LNX1: variants seen among roughly 807,000 people sequenced by gnomAD.
LNX1 encodes the protein ligand of numb-protein X 1.
Under a neutral mutation model 68.4 loss-of-function variants are expected in LNX1, and 54 were observed. The observed-to-expected ratio is 0.79, with a 90% CI of 0.63 to 0.99. LNX1 has a LOEUF of 0.99. Among genes scored for constraint, LNX1 ranks in the 50% least tolerant of loss-of-function variants. LNX1 has a pLI of 0.00. For missense variants in LNX1, 906 were observed against 926.4 expected (o/e 0.98, Z 0.29); for synonymous variants, 336 against 350.0 (o/e 0.96, Z 0.45).
upstream of LNX1, among the ~76,000 whole-genome samples, chr4:53,619,882 T>A (rs1448846711): frequency 1.3e-5 from 2 of 152,238 alleles, no homozygotes; most frequent in Non-Finnish European, 2.9e-5. Context: ...CTTGTTATTA[T>A]GTCTCTTTTT....
At chr4:53,482,942 T>C (rs1165641181) in intron 6 of LNX1, among the ~76,000 whole-genome samples, 3 of 152,240 alleles carry the variant, frequency 2.0e-5, no homozygotes, top group Non-Finnish European at 2.9e-5. Flanking sequence ...TAATTCTCTC[T>C]GCTATGTACA....
In LNX1 at chr4:53,459,836, C is replaced by G; in HGVS notation, c.*1071G>C. ...TAAGAGGCTGCATCACAAAAGGCAA[C>G]AAAGGGCCCCTCTAAGGCTTGAGAT... On this transcript the variant is annotated 3_prime_UTR_variant, in exon 11 of 11. Transcript: ENST00000263925. The G allele has an allele frequency of 3.9e-6, 1 of 257,688 alleles. No homozygotes were observed. 16.0% of individuals were successfully genotyped at this position (257,688 alleles called of 1,614,324 possible).
intron 6 of LNX1, among the ~76,000 whole-genome samples, chr4:53,491,418 C>A (rs1466885565): frequency 1.3e-5 from 2 of 152,168 alleles, no homozygotes; most frequent in East Asian, 3.9e-4. Flanking sequence ...CTGCCTAATG[C>A]TGACTTGGTT....
At chr4:53,541,136 CAAAAAAAAAAGAA>C (rs1326657249) in intron 2 of LNX1, among the ~76,000 whole-genome samples, 2 of 24,114 alleles carry the variant, frequency 8.3e-5, no homozygotes, top group African/African-American at 2.4e-4. Flanking sequence ...GACTCTAACT[CAAAAAAAAAAGAA>C]AAAAAAAAAA....
At chr4:53,581,421 A>G (rs560546437) in intron 1 of LNX1, among the ~76,000 whole-genome samples, 2 of 152,094 alleles carry the variant, frequency 1.3e-5, no homozygotes, top group Non-Finnish European at 2.9e-5. Context: ...TTTTTTCCAA[A>G]AACCTTCCTC....
Position 53,641,864 on chromosome 4 carries a change from CT to C in LNX1, c.-215+10303del, listed in dbSNP as rs528010791. Among the ~76,000 whole-genome samples the C allele has an allele frequency of 5.3e-5, 8 of 152,242 alleles. No individual in the cohort carries two copies. The East Asian group carries it at 1.5e-3, about 29-fold the overall frequency. On this transcript the variant is annotated intron_variant, in intron 1 of 2. Transcript: ENST00000507168. Reference sequence around the variant, plus strand: ...TATTGTAGGTATCAACAGTTCATTCCTTTTTTTCTGCTTAGTATTGCATTGT... The same window carrying C: ...TATTGTAGGTATCAACAGTTCATTCCTTTTTTCTGCTTAGTATTGCATTGT...
At chr4:53,479,465 T>C (rs575284871) in intron 7 of LNX1, among the ~76,000 whole-genome samples, 1 of 152,338 alleles carries the variant, frequency 6.6e-6, no homozygotes, top group South Asian at 2.1e-4. Context: ...AAATATGGCA[T>C]GTGTGCATGT....
chr4:53,644,174 G>A (rs1346481504), intron 1 of LNX1, among the ~76,000 whole-genome samples: 4 of 152,262 alleles, frequency 2.6e-5, no homozygotes, highest in African/African-American at 7.2e-5. Context: ...GGGGAGGTGA[G>A]TGAATCACTT....
rs145898168 is a variant in LNX1 at position 53,610,178 on chromosome 4, A to G, written c.-215+6339T>C. Among the ~76,000 whole-genome samples, 237 of 152,296 alleles carry G rather than the reference A, an allele frequency of 1.6e-3. 1 individual carries two copies. Among genetic ancestry groups the G allele is most frequent in the African/African-American group, 5.5e-3 (230 of 41,576 alleles). Reference sequence around the variant, plus strand: ...AGACTGATCAGGTACCTGACTACAAAGAAAACTTGAGCAAATTCAGAGTAA... The same window carrying G: ...AGACTGATCAGGTACCTGACTACAAGGAAAACTTGAGCAAATTCAGAGTAA... On this transcript the variant is annotated intron_variant, in intron 2 of 3. Transcript: ENST00000504299.
At chr4:53,553,222 A>T (rs1304588397) in intron 2 of LNX1, among the ~76,000 whole-genome samples, 1 of 152,120 alleles carries the variant, frequency 6.6e-6, no homozygotes, top group East Asian at 1.9e-4. Flanking sequence ...ATAATTTTCA[A>T]CAGGGAAAGT....
intron 1 of LNX1, among the ~76,000 whole-genome samples, chr4:53,648,857 C>T (rs1429417264): frequency 6.6e-6 from 1 of 152,140 alleles, no homozygotes; most frequent in African/African-American, 2.4e-5. Context: ...AATTTCCCTC[C>T]AGCTTTGGGG....
upstream of LNX1, among the ~76,000 whole-genome samples, chr4:53,620,894 A>G (rs1412672968): frequency 6.6e-6 from 1 of 152,204 alleles, no homozygotes; most frequent in Non-Finnish European, 1.5e-5. Context: ...GCTTCCCTGC[A>G]AAAATGACTT....
At chr4:53,630,595 C>T (rs561114227) in intron 1 of LNX1, among the ~76,000 whole-genome samples, 1 of 152,282 alleles carries the variant, frequency 6.6e-6, no homozygotes, top group African/African-American at 2.4e-5. Flanking sequence ...TGTGATGTAG[C>T]TTCCAGAGAA....
chr4:53,468,269 A>C (rs1414631417), intron 9 of LNX1, among the ~76,000 whole-genome samples: 1 of 152,208 alleles, frequency 6.6e-6, no homozygotes, highest in Non-Finnish European at 1.5e-5. Context: ...GAGAAATAAA[A>C]TACTTTACAG....
Position 53,508,002 on chromosome 4 carries a change from C to A in LNX1, c.606G>T (p.Arg202=). 1 of 1,613,988 alleles carries A rather than the reference C, an allele frequency of 6.2e-7. No individual in the cohort carries two copies. The highest frequency in any genetic ancestry group is 8.5e-7 in the Non-Finnish European group (1 of 1,179,890). Residue 202 remains arginine, a synonymous_variant, in exon 3 of 11, where the codon CGG becomes CGT. Transcript: ENST00000263925. ...QPAISPVDSG[R]SNRTRARPFE... The stretch of plus-strand genomic sequence containing the variant: ...TTGACTCACCCCTAGTTCGGTTGCT[C>A]CGGCCAGAGTCCACTGGGCTGATTG...
At chr4:53,463,919 T>C (rs534544304) in intron 9 of LNX1, among the ~76,000 whole-genome samples, 18 of 152,248 alleles carry the variant, frequency 1.2e-4, no homozygotes, top group African/African-American at 4.3e-4. Context: ...CAAAAAACAC[T>C]AAGGCAGAGC....
At chr4:53,479,667 A>C (rs1723793234) in intron 7 of LNX1, among the ~76,000 whole-genome samples, 1 of 152,166 alleles carries the variant, frequency 6.6e-6, no homozygotes, top group Non-Finnish European at 1.5e-5. Context: ...CATTCTCCTC[A>C]CCCTACTTTG....
chr4:53,649,206 T>C (rs1464054818), intron 1 of LNX1, among the ~76,000 whole-genome samples: 1 of 152,234 alleles, frequency 6.6e-6, no homozygotes, highest in Non-Finnish European at 1.5e-5. Flanking sequence ...TTGGGGTGCT[T>C]CTGCTTCACC....
intron 2 of LNX1, among the ~76,000 whole-genome samples, chr4:53,537,153 G>T (rs1020935060): frequency 6.6e-6 from 1 of 152,184 alleles, no homozygotes; most frequent in Non-Finnish European, 1.5e-5. Context: ...TTTGCCGTAA[G>T]ACATATAATA....
Sources: gnomAD v4.1 joint callset for allele counts (sites outside exome capture counted in the v4.1 genomes callset) on GRCh38, gnomAD v4.1.1 for gene constraint, MANE v1.5 for transcripts, NCBI Gene and HGNC (gene_info 2026-07-23, HGNC 2026-07-21) for gene names.